Variants in FAM210A observed in about 807,000 individuals in gnomAD.
FAM210A encodes the protein family with sequence similarity 210 member A.
FAM210A carries 13 observed loss-of-function variants against 25.3 expected under a neutral mutation model. The observed-to-expected ratio is 0.51, with a 90% CI of 0.33 to 0.82. The LOEUF (loss-of-function observed/expected upper bound fraction) is 0.82. Among genes scored for constraint, FAM210A ranks in the 40% least tolerant of loss-of-function variants. The pLI, the probability that FAM210A is intolerant of heterozygous loss-of-function variation, is 0.02. For synonymous variants in FAM210A, 125 were observed against 118.7 expected, an observed-to-expected ratio of 1.05 and a Z score of -0.35; for missense variants, 319 against 323.2, an observed-to-expected ratio of 0.99 and a Z score of 0.10.
intron 1 of FAM210A, among the ~76,000 whole-genome samples, chr18:13,719,534 T>C (rs536542570): frequency 1.3e-5 from 2 of 152,304 alleles, no homozygotes; most frequent in Admixed American, 1.3e-4. Context: ...TAATGTCTGA[T>C]GCCTCTTCCC....
At position 13,687,888 on chromosome 18, in the gene FAM210A, G is replaced by A. The variant is rs543318520; in HGVS notation, c.-28-5783C>T. On this transcript the variant is annotated intron_variant, in intron 1 of 3. Coordinates refer to ENST00000651643, the MANE Select transcript of FAM210A (RefSeq NM_152352.4). ...CATCAGTCAAATTCTTTCTTCTGAG[G>A]AGGCAAGAAATGAGATTGCTGCAGA... 11 of 152,212 alleles carry A rather than the reference G, an allele frequency of 7.2e-5. No homozygotes were observed. In the South Asian group the frequency reaches 2.1e-3, roughly 29 times the overall value. 9.4% of individuals were successfully genotyped at this position (152,212 alleles called of 1,614,324 possible).
intron 1 of FAM210A, among the ~76,000 whole-genome samples, chr18:13,702,642 CA>C (rs898293861): frequency 2.0e-5 from 3 of 152,130 alleles, no homozygotes; most frequent in Non-Finnish European, 4.4e-5. Context: ...TTTGCAAGCT[CA>C]AAATTAACTA....
At chr18:13,701,788 T>C (rs1293523898) in intron 1 of FAM210A, among the ~76,000 whole-genome samples, 1 of 152,232 alleles carries the variant, frequency 6.6e-6, no homozygotes, top group Non-Finnish European at 1.5e-5. Flanking sequence ...TTAGCTTAGT[T>C]ATTATCCAGA....
chr18:13,675,667 T>G (rs1301355125), intron 2 of FAM210A, among the ~76,000 whole-genome samples: 4 of 116,254 alleles, frequency 3.4e-5, no homozygotes, highest in Non-Finnish European at 5.5e-5. Flanking sequence ...CTGGCTTCTT[T>G]ATTTCCAGTT....
In FAM210A at chr18:13,716,345, A is replaced by T. The variant is rs546414319; in HGVS notation, c.-29+9984T>A. 7.2e-5 allele frequency among the ~76,000 whole-genome samples: 11 copies of T among 152,300 alleles called. No individual in the cohort carries two copies. In the South Asian group the frequency reaches 1.7e-3, roughly 23 times the overall value. On this transcript the variant is annotated intron_variant, in intron 1 of 3. Transcript: ENST00000651643. The stretch of plus-strand genomic sequence containing the variant: ...CTGTCTACCAGAGCCCCCAGCTCCA[A>T]TGATGGATCCCGATCAAAAGGACAG...
At chr18:13,711,099 C>T (rs796099231) in intron 1 of FAM210A, among the ~76,000 whole-genome samples, 8 of 152,340 alleles carry the variant, frequency 5.3e-5, no homozygotes, top group East Asian at 1.9e-4. Context: ...TGGCCTGGCA[C>T]GGAGGCTCAC....
chr18:13,693,168 G>A (rs1414996912), intron 1 of FAM210A, among the ~76,000 whole-genome samples: 3 of 152,052 alleles, frequency 2.0e-5, no homozygotes, highest in Admixed American at 6.6e-5. Flanking sequence ...TAAATTCCTC[G>A]ACACATACAC....
At chr18:13,706,168 A>G (rs948613359) in intron 1 of FAM210A, among the ~76,000 whole-genome samples, 12 of 152,164 alleles carry the variant, frequency 7.9e-5, no homozygotes, top group African/African-American at 2.9e-4. Context: ...CAATCTTGGA[A>G]CTGTACACCC....
At chr18:13,696,544 C>T (rs540879965) in intron 1 of FAM210A, among the ~76,000 whole-genome samples, 4 of 152,248 alleles carry the variant, frequency 2.6e-5, no homozygotes, top group Admixed American at 6.5e-5. Context: ...GCATGAAAGA[C>T]GGTGCCATAA....
intron 1 of FAM210A, among the ~76,000 whole-genome samples, chr18:13,722,845 CTT>C (rs2043907766): frequency 4.7e-5 from 6 of 127,966 alleles, no homozygotes; most frequent in African/African-American, 5.3e-5. Context: ...CTTTTCTTTC[CTT>C]TCTTTTTTTT....
intron 1 of FAM210A, among the ~76,000 whole-genome samples, chr18:13,711,831 C>T (rs967717397): frequency 1.3e-5 from 2 of 152,136 alleles, no homozygotes; most frequent in African/African-American, 4.8e-5. Context: ...CACAAAAGAT[C>T]CTACATGGTA....
At chr18:13,725,062 C>A (rs2043926993) in intron 1 of FAM210A, among the ~76,000 whole-genome samples, 1 of 152,200 alleles carries the variant, frequency 6.6e-6, no homozygotes, top group Admixed American at 6.5e-5. Flanking sequence ...TGAGCCACTG[C>A]ACCCGGTGTT....
At chr18:13,697,657 G>A (rs2043705235) in intron 1 of FAM210A, 1 of 130,702 alleles carries the variant, frequency 7.7e-6, no homozygotes, top group African/African-American at 3.0e-5. Context: ...GTTGCAGCCT[G>A]GGAGACAGAG....
intron 2 of FAM210A, among the ~76,000 whole-genome samples, chr18:13,677,069 ATTT>A (rs59935007): frequency 2.2e-4 from 30 of 137,196 alleles, no homozygotes; most frequent in African/African-American, 3.6e-4. Context: ...CTGTCCCTCT[ATTT>A]TTTTTTTTTT....
At chr18:13,721,569 A>G (rs1257639298) in intron 1 of FAM210A, among the ~76,000 whole-genome samples, 1 of 152,140 alleles carries the variant, frequency 6.6e-6, no homozygotes, top group East Asian at 1.9e-4. Flanking sequence ...AGGCAGCTCT[A>G]GTGGCTTCTA....
intron 3 of FAM210A, among the ~76,000 whole-genome samples, chr18:13,670,453 GGAT>G (rs2043432560): frequency 1.3e-5 from 2 of 152,166 alleles, no homozygotes; most frequent in Admixed American, 1.3e-4. Context: ...ATGCTAATGA[GGAT>G]GACAGAATGA....
In FAM210A at chr18:13,665,409, C is replaced by CAAAAAAAAAAAAAAAAAA. The variant is rs1555788360; in HGVS notation, c.*1070_*1071insTTTTTTTTTTTTTTTTTT. The CAAAAAAAAAAAAAAAAAA allele has an allele frequency of 1.7e-4, 15 of 89,628 alleles. No homozygotes were observed. Among genetic ancestry groups the CAAAAAAAAAAAAAAAAAA allele is most frequent in the Non-Finnish European group, 2.6e-4 (10 of 38,880 alleles). 5.6% of individuals were successfully genotyped at this position (89,628 alleles called of 1,614,324 possible). A position where few individuals can be genotyped will look rare whatever the true frequency, so the allele number is the denominator to read the frequency against. ...AAAAAAAAAAAAAAAAAAAAAAAAT[C>CAAAAAAAAAAAAAAAAAA]AAGTAGAATGCTCAAACAAGGATAT... On this transcript the variant is annotated 3_prime_UTR_variant, in exon 4 of 4. Transcript: ENST00000651643.
intron 1 of FAM210A, among the ~76,000 whole-genome samples, chr18:13,721,944 G>T (rs2043900768): frequency 6.6e-6 from 1 of 152,100 alleles, no homozygotes; most frequent in South Asian, 2.1e-4. Context: ...AAAATTAACG[G>T]TATAAATTCT....
intron 2 of FAM210A, among the ~76,000 whole-genome samples, chr18:13,672,573 C>A (rs1050395621): frequency 3.3e-5 from 5 of 152,100 alleles, no homozygotes; most frequent in African/African-American, 1.2e-4. Flanking sequence ...CCACGCCTAG[C>A]TAATTTTTGT....
Sources: allele counts gnomAD v4.1 joint callset (sites outside exome capture counted in the v4.1 genomes callset), GRCh38; gene constraint gnomAD v4.1.1; transcripts MANE v1.5; gene names NCBI Gene and HGNC (gene_info 2026-07-23, HGNC 2026-07-21).